The following ZFHX3 variants were observed in gnomAD, a reference collection of about 807,000 sequenced individuals.
The protein encoded by ZFHX3 is zinc finger homeobox protein 3.
Under a neutral mutation model 279.1 loss-of-function variants are expected in ZFHX3, and 42 were observed. That is an observed-to-expected ratio of 0.15 (90% CI 0.12 to 0.19). The LOEUF is 0.19. Ranked by LOEUF, ZFHX3 falls within the 10% of genes least tolerant of loss-of-function variation. The pLI, the probability that ZFHX3 is intolerant of heterozygous loss-of-function variation, is 1.00. For missense variants in ZFHX3, 4,981 were observed against 4,754.0 expected (o/e 1.05, Z -1.40); for synonymous variants, 2,293 against 1,957.8 (o/e 1.17, Z -4.52).
chr16:72,939,948 T>TA (rs1960328651), intron 3 of ZFHX3, among the ~76,000 whole-genome samples: 1 of 152,168 alleles, frequency 6.6e-6, no homozygotes, highest in Admixed American at 6.5e-5. Context: ...ATAATTTTTT[T>TA]ATTTTTTGTA....
intron 3 of ZFHX3, chr16:73,401,365 A>C (rs1007831494): frequency 1.7e-4 from 3 of 17,650 alleles, no homozygotes; most frequent in Admixed American, 6.3e-4. Context: ...AAAAAACAAA[A>C]AACAAAACAC....
rs529312897 is a variant in ZFHX3, at chr16:72,993,236, C to T, written c.-49-33042G>A. 3.9e-5 allele frequency among the ~76,000 whole-genome samples: 6 copies of T among 152,344 alleles called. No individual in the cohort carries two copies. The East Asian group carries it at 7.7e-4, about 20-fold the overall frequency. On this transcript the variant is annotated intron_variant, in intron 1 of 9. Transcript: ENST00000268489. The stretch of plus-strand genomic sequence containing the variant: ...AGCCTGGCTGCCTGCTCCTATCACC[C>T]ACTCAACCAAAATCACTCCTCACCC...
chr16:73,392,417 T>TAAAAAAAAA (rs2017033492), intron 3 of ZFHX3, among the ~76,000 whole-genome samples: 2 of 5,290 alleles, frequency 3.8e-4, no homozygotes, highest in Non-Finnish European at 8.0e-4. Flanking sequence ...AGACCCTGTC[T>TAAAAAAAAA]CAAAAAAAAA....
At chr16:73,422,660 T>A (rs1353786415) in intron 3 of ZFHX3, among the ~76,000 whole-genome samples, 1 of 152,186 alleles carries the variant, frequency 6.6e-6, no homozygotes, top group African/African-American at 2.4e-5. Flanking sequence ...CCAAAGGCAT[T>A]CACATTTCCT....
At chr16:72,833,723 G>A (rs2143743729) in intron 4 of ZFHX3, among the ~76,000 whole-genome samples, 1 of 152,288 alleles carries the variant, frequency 6.6e-6, no homozygotes, top group East Asian at 1.9e-4. Flanking sequence ...GCAGGAGGTA[G>A]CAGGCCCAAT....
At chr16:73,629,890 C>T (rs993437807) in intron 2 of ZFHX3, among the ~76,000 whole-genome samples, 1 of 152,156 alleles carries the variant, frequency 6.6e-6, no homozygotes, top group African/African-American at 2.4e-5. Context: ...TCTCTTTCAA[C>T]CGCACAAGAA....
chr16:72,844,503 C>A (rs1283770037), intron 4 of ZFHX3, among the ~76,000 whole-genome samples: 3 of 152,128 alleles, frequency 2.0e-5, no homozygotes, highest in Admixed American at 6.5e-5. Flanking sequence ...CCCCAGCACA[C>A]AGCACACAGA....
At chr16:73,451,286 T>C (rs902323263) in intron 3 of ZFHX3, among the ~76,000 whole-genome samples, 6 of 152,156 alleles carry the variant, frequency 3.9e-5, no homozygotes, top group African/African-American at 1.4e-4. Context: ...GCCAGATCCA[T>C]CAAAAAATGC....
chr16:72,961,625 C>T (rs1215258384), intron 1 of ZFHX3, among the ~76,000 whole-genome samples: 1 of 134,644 alleles, frequency 7.4e-6, no homozygotes, highest in African/African-American at 2.6e-5. Flanking sequence ...CCTATCTTCT[C>T]AATCTTTTTT....
intron 1 of ZFHX3, among the ~76,000 whole-genome samples, chr16:73,737,270 C>T (rs1019276719): frequency 6.6e-6 from 1 of 152,062 alleles, no homozygotes; most frequent in Non-Finnish European, 1.5e-5. Context: ...CTCCTGGGCT[C>T]GAGCAATCTT....
chr16:73,376,431 A>C (rs2016724583), intron 3 of ZFHX3, among the ~76,000 whole-genome samples: 1 of 152,200 alleles, frequency 6.6e-6, no homozygotes, highest in South Asian at 2.1e-4. Context: ...TTTTTCAGCC[A>C]TGTCAGCAAG....
At chr16:73,199,797 G>T (rs561363380) in intron 5 of ZFHX3, among the ~76,000 whole-genome samples, 1 of 152,124 alleles carries the variant, frequency 6.6e-6, no homozygotes, top group Non-Finnish European at 1.5e-5. Context: ...GGGTGAACGA[G>T]GCCAACTCCA....
chr16:72,843,792 T>C (rs1356508156), intron 4 of ZFHX3, among the ~76,000 whole-genome samples: 1 of 152,146 alleles, frequency 6.6e-6, no homozygotes. Flanking sequence ...CAATGCCTAA[T>C]TTTTCTTTAC....
At position 73,028,696 on chromosome 16, in the gene ZFHX3, T is replaced by A. The variant is rs906567217; in HGVS notation, c.-50+19056A>T. ...CACTGGTGGCTCTCCAAGAAGCCCATGGTACAGGCTTTGCTTCTCCGGGCC... is the reference window on the plus strand; with the variant it reads ...CACTGGTGGCTCTCCAAGAAGCCCAAGGTACAGGCTTTGCTTCTCCGGGCC... On this transcript the variant is annotated intron_variant, in intron 1 of 9. Transcript: ENST00000268489. Among the ~76,000 whole-genome samples the A allele has an allele frequency of 1.6e-4, 25 of 152,176 alleles. 1 individual carries two copies.
At chr16:73,166,086 C>T (rs560962440) in intron 5 of ZFHX3, among the ~76,000 whole-genome samples, 1 of 152,282 alleles carries the variant, frequency 6.6e-6, no homozygotes, top group African/African-American at 2.4e-5. Flanking sequence ...ATATTCTCCC[C>T]AAATTAGGGG....
intron 1 of ZFHX3, among the ~76,000 whole-genome samples, chr16:72,980,472 G>A (rs1384868174): frequency 6.6e-6 from 1 of 152,064 alleles, no homozygotes; most frequent in Non-Finnish European, 1.5e-5. Flanking sequence ...AATAATGTCA[G>A]TTTTGGCCAG....
intron 3 of ZFHX3, among the ~76,000 whole-genome samples, chr16:72,902,227 T>C (rs1382716427): frequency 6.6e-6 from 1 of 152,216 alleles, no homozygotes. Flanking sequence ...TCCTAACGGA[T>C]GACAGAGTCC....
At chr16:73,003,380 G>A (rs1963567374) in intron 1 of ZFHX3, among the ~76,000 whole-genome samples, 1 of 151,696 alleles carries the variant, frequency 6.6e-6, no homozygotes, top group African/African-American at 2.4e-5. Context: ...TCTAGCAGGG[G>A]AAACAATCAA....
At chr16:73,244,677 G>A (rs1170780959) in intron 5 of ZFHX3, among the ~76,000 whole-genome samples, 1 of 152,214 alleles carries the variant, frequency 6.6e-6, no homozygotes, top group Admixed American at 6.5e-5. Context: ...ACTGGAACCT[G>A]TGATATCACC....
Sources: gnomAD v4.1 joint callset for allele counts (sites outside exome capture counted in the v4.1 genomes callset) on GRCh38, gnomAD v4.1.1 for gene constraint, MANE v1.5 for transcripts, NCBI Gene and HGNC (gene_info 2026-07-23, HGNC 2026-07-21) for gene names.